The following TIMELESS variants were observed in gnomAD, a reference collection of about 807,000 sequenced individuals.
TIMELESS encodes timeless circadian regulator.
TIMELESS carries 124 observed loss-of-function variants against 164.3 expected under a neutral mutation model. The ratio of observed to expected loss-of-function variants is 0.75; its 90% confidence interval spans 0.65 to 0.88. The LOEUF is 0.88. Among genes scored for constraint, TIMELESS ranks in the 40% least tolerant of loss-of-function variants. The probability of loss-of-function intolerance (pLI) is 0.00; values close to 1 mark genes in which losing one functional copy is unlikely to be tolerated. For missense variants in TIMELESS, 1,422 were observed against 1,491.4 expected, an observed-to-expected ratio of 0.95 and a Z score of 0.77; for synonymous variants, 564 against 563.4, an observed-to-expected ratio of 1.00 and a Z score of -0.02.
In TIMELESS at chr12:56,416,709, A is replaced by T. The variant is rs2136128047; in HGVS notation, c.*1007T>A. ...CTGTAGGGAAAGCGGAAGAAAAGGG[A>T]AGGTTGTTGGTCTTTTTTTTTTTTC... On this transcript the variant is annotated 3_prime_UTR_variant, in exon 29 of 29. Transcript: ENST00000553532. The T allele has an allele frequency of 6.6e-6, 1 of 151,554 alleles. No homozygotes were observed. Among genetic ancestry groups the T allele is most frequent in the Non-Finnish European group, 1.5e-5 (1 of 67,882 alleles). The allele number at this position is 151,554 out of a possible 1,614,324, so 9.4% of individuals were successfully genotyped here.
intron 1 of TIMELESS, among the ~76,000 whole-genome samples, chr12:56,446,792 A>T (rs1183537465): frequency 1.3e-5 from 2 of 150,380 alleles, no homozygotes; most frequent in Non-Finnish European, 2.9e-5. Context: ...CCTGGACAAT[A>T]AGAGCAAAAC....
Position 56,423,655 on chromosome 12 carries a change from C to G in TIMELESS, c.2019G>C (p.Glu673Asp). ...RGAEEEEEEE[E>D]EEEEELQVVQ... is the part of the protein sequence containing the mutation. Reference sequence around the variant, plus strand: ...CCACTTGCAACTCCTCCTCTTCCTCCTCCTCCTCCTCTTCTTCTTCCTCTG... The same window carrying G: ...CCACTTGCAACTCCTCCTCTTCCTCGTCCTCCTCCTCTTCTTCTTCCTCTG... Residue 673 changes from glutamate (E) to aspartate (D), a missense_variant, in exon 17 of 29, where the codon GAG becomes GAC. Glu to Asp is a conservative substitution (Grantham distance 45). Coordinates refer to ENST00000553532, the MANE Select transcript of TIMELESS (RefSeq NM_003920.5). 6.2e-7 allele frequency: 1 copy of G among 1,614,056 alleles called. No individual in the cohort carries two copies. The highest frequency in any genetic ancestry group is 8.5e-7 in the Non-Finnish European group (1 of 1,179,996).
At chr12:56,423,956 G>A (rs1295759042) in intron 15 of TIMELESS, 62 bp from the exon 16 acceptor site, 8 of 1,392,742 alleles carry the variant, frequency 5.7e-6, no homozygotes, top group Non-Finnish European at 8.1e-6. Flanking sequence ...TTTATAATTC[G>A]AAGTAGAAGA....
chr12:56,443,801 C>G (rs1023088526), intron 1 of TIMELESS, among the ~76,000 whole-genome samples: 1 of 152,154 alleles, frequency 6.6e-6, no homozygotes, highest in Non-Finnish European at 1.5e-5. Flanking sequence ...AGAAAAGAAC[C>G]TACATTGAAA....
intron 8 of TIMELESS, 73 bp downstream of exon 8, chr12:56,431,397 CA>C (rs1236855374): frequency 6.8e-7 from 1 of 1,474,210 alleles, no homozygotes; most frequent in East Asian, 2.4e-5. Context: ...TCAATCACCC[CA>C]CCTTAGAATT....
chr12:56,443,023 T>C (rs1868298321), intron 1 of TIMELESS, among the ~76,000 whole-genome samples: 1 of 152,214 alleles, frequency 6.6e-6, no homozygotes, highest in African/African-American at 2.4e-5. Context: ...CTGTGATCAC[T>C]GCATTAACTG....
chr12:56,418,469 T>G, intron 26 of TIMELESS, 110 bp from the exon 27 acceptor site: 1 of 745,730 alleles, frequency 1.3e-6, no homozygotes, highest in South Asian at 1.8e-5. Context: ...ACAAGGGTTG[T>G]GAACTCTATT....
Position 56,430,129 on chromosome 12 carries a change from G to GT in TIMELESS, c.1061dup (p.Tyr354Ter), listed in dbSNP as rs761807017. ...CCTTTACTGATCCCATGAGCCGGTT[G>GT]TAACAGTTCTCCAGGAACTCAGAGC... The part of the protein sequence containing the change: ...DFCSEFLENC[Y>*]NRLMGSVKDH... Residue 354 changes from tyrosine (Y) to a stop codon, truncating the protein, a stop_gained and frameshift_variant, in exon 10 of 29, where the codon TAC (tyrosine) becomes TAAC (stop). Transcript: ENST00000553532. LOFTEE classifies it high-confidence loss of function. The GT allele has an allele frequency of 6.2e-7, 1 of 1,613,570 alleles. No individual in the cohort carries two copies. Among genetic ancestry groups the GT allele is most frequent in the Non-Finnish European group, 8.5e-7 (1 of 1,179,874 alleles).
rs761880221 is a variant in TIMELESS, at chr12:56,425,126, C to T, written c.1605G>A (p.Lys535=). The change falls in exon 14 of 29, where the codon AAG becomes AAA. Residue 535 remains lysine, a synonymous_variant. Transcript: ENST00000553532. Reference sequence around the variant, plus strand: ...TGGCCTGGTCTAGGACCTTCTTCTTCTTCTTCCTTCTCTTCTTTTGTTTGT... The same window carrying T: ...TGGCCTGGTCTAGGACCTTCTTCTTTTTCTTCCTTCTCTTCTTTTGTTTGT... ...VQNKQKKRRK[K]KKKVLDQAIV... 2 of 1,613,850 alleles carry T rather than the reference C, an allele frequency of 1.2e-6. No individual in the cohort carries two copies. Among genetic ancestry groups the T allele is most frequent in the Non-Finnish European group, 1.7e-6 (2 of 1,179,986 alleles).
In TIMELESS at chr12:56,433,098, G is replaced by A. The variant is rs1459232138; in HGVS notation, c.459C>T (p.Asn153=). Residue 153 remains asparagine (N), a synonymous_variant, in exon 6 of 29, where the codon AAC becomes AAT. Coordinates refer to ENST00000553532, the MANE Select transcript of TIMELESS (RefSeq NM_003920.5). ...GCAGTAGGATCCGTTCAATCAGCAAGTTGTCTTCCTCCTGCCGTTCCTCCC... is the reference window on the plus strand; with the variant it reads ...GCAGTAGGATCCGTTCAATCAGCAAATTGTCTTCCTCCTGCCGTTCCTCCC... ...LGWEERQEED[N]LLIERILLLV... 1.2e-6 allele frequency: 2 copies of A among 1,614,090 alleles called. No individual in the cohort carries two copies. Among genetic ancestry groups the A allele is most frequent in the South Asian group, 1.1e-5 (1 of 91,078 alleles).
At position 56,449,403 on chromosome 12, in the gene TIMELESS, C is replaced by T. The variant is rs113285406; in HGVS notation, c.-155G>A. 1.3e-5 allele frequency: 2 copies of T among 152,278 alleles called. No individual in the cohort carries two copies. Among genetic ancestry groups the T allele is most frequent in the African/African-American group, 4.8e-5 (2 of 41,596 alleles). The allele number at this position is 152,278 out of a possible 1,614,324, so 9.4% of individuals were successfully genotyped here. A position where few individuals can be genotyped will look rare whatever the true frequency, so the allele number is the denominator to read the frequency against. The stretch of plus-strand genomic sequence containing the variant: ...CGCCACCAGGCTCAGCTGGACCGGT[C>T]CCCGCCTGCGCGAAGAGCGAGGCGG... On this transcript the variant is annotated 5_prime_UTR_variant, in exon 1 of 29. Coordinates refer to ENST00000553532, the MANE Select transcript of TIMELESS (RefSeq NM_003920.5).
In TIMELESS at chr12:56,425,160, G is replaced by A. The variant is rs1428274505; in HGVS notation, c.1579-8C>T. 6.2e-7 allele frequency: 1 copy of A among 1,610,418 alleles called. No individual in the cohort carries two copies. The highest frequency in any genetic ancestry group is 1.3e-5 in the African/African-American group (1 of 74,568). ...TCTCTTCTTTTGTTTGTTCTGTGGGGAAAGAATTGTATTAGGATGTCAAGA... is the reference window on the plus strand; with the variant it reads ...TCTCTTCTTTTGTTTGTTCTGTGGGAAAAGAATTGTATTAGGATGTCAAGA... On this transcript the variant is annotated splice_region_variant and splice_polypyrimidine_tract_variant and intron_variant, in intron 13 of 28. Coordinates refer to ENST00000553532, the MANE Select transcript of TIMELESS (RefSeq NM_003920.5).
At chr12:56,419,594 T>A (rs1359894590) in intron 26 of TIMELESS, among the ~76,000 whole-genome samples, 3 of 151,652 alleles carry the variant, frequency 2.0e-5, no homozygotes, top group Non-Finnish European at 2.9e-5. Flanking sequence ...AGTCGGTGTG[T>A]GAGTGGTGTG....
Position 56,434,232 on chromosome 12 carries a change from C to G in TIMELESS, c.-61-1G>C. 2 of 1,328,856 alleles carry G rather than the reference C, an allele frequency of 1.5e-6. No individual in the cohort carries two copies. Among genetic ancestry groups the G allele is most frequent in the Non-Finnish European group, 2.2e-6 (2 of 923,252 alleles). The allele number at this position is 1,328,856 out of a possible 1,614,324, so 82.3% of individuals were successfully genotyped here. ...AAACAGGAGACAGAAATGATGAGGCCTGGAGAAATAGAGAAAGATAAAAAA... is the reference window on the plus strand; with the variant it reads ...AAACAGGAGACAGAAATGATGAGGCGTGGAGAAATAGAGAAAGATAAAAAA... On this transcript the variant is annotated splice_acceptor_variant, in intron 1 of 28. Coordinates refer to ENST00000553532, the MANE Select transcript of TIMELESS (RefSeq NM_003920.5). LOFTEE classifies it low-confidence loss of function (5UTR_SPLICE).
At chr12:56,434,380 A>G in intron 1 of TIMELESS, 149 bp from the exon 2 acceptor site, 1 of 571,858 alleles carries the variant, frequency 1.7e-6, no homozygotes, top group South Asian at 2.1e-5. Flanking sequence ...TCTCAGCCCC[A>G]GAGAAAGTTT....
At chr12:56,420,489 A>G in intron 26 of TIMELESS, 80 bp downstream of exon 26, 1 of 1,177,258 alleles carries the variant, frequency 8.5e-7, no homozygotes, top group East Asian at 2.3e-5. Flanking sequence ...GAGGACCACC[A>G]TGACAGTGAG....
At chr12:56,421,158 G>T in intron 23 of TIMELESS, 24 bp from the exon 24 acceptor site, 1 of 1,613,072 alleles carries the variant, frequency 6.2e-7, no homozygotes, top group South Asian at 1.1e-5. Context: ...GGGGTTGGGG[G>T]AATGAAAATG....
chr12:56,433,963 G>C (rs759531677), intron 2 of TIMELESS, 37 bp from the exon 3 acceptor site: 1 of 1,612,714 alleles, frequency 6.2e-7, no homozygotes, highest in East Asian at 2.2e-5. Flanking sequence ...GTGGAACCTT[G>C]GAAGAAGCTC....
At chr12:56,437,444 C>G (rs561909416) in intron 1 of TIMELESS, among the ~76,000 whole-genome samples, 1 of 150,238 alleles carries the variant, frequency 6.7e-6, no homozygotes, top group Non-Finnish European at 1.5e-5. Context: ...GAGACAGGGT[C>G]TCACTCAGGC....
Sources: allele counts gnomAD v4.1 joint callset (sites outside exome capture counted in the v4.1 genomes callset), GRCh38; gene constraint gnomAD v4.1.1; transcripts MANE v1.5; gene names NCBI Gene and HGNC (gene_info 2026-07-23, HGNC 2026-07-21).